DNAJC27: variants seen among roughly 807,000 people sequenced by gnomAD.
DNAJC27 encodes the protein DnaJ heat shock protein family (Hsp40) member C27.
In DNAJC27, 25 loss-of-function variants were observed where a neutral mutation model predicts 31.4. The ratio of observed to expected loss-of-function variants is 0.80; its 90% CI spans 0.58 to 1.11. DNAJC27 has a LOEUF of 1.11. DNAJC27 is among the 50% of genes most tolerant of loss of function. DNAJC27 has a pLI of 0.00. For synonymous variants in DNAJC27, 106 were observed against 112.7 expected (o/e 0.94, Z 0.37); for missense variants, 356 against 347.3 (o/e 1.02, Z -0.20).
rs758169335 is a variant in DNAJC27 at position 24,947,775 on chromosome 2, T to C, written c.690-27A>G. ...TGGGAAAAGAAGCCAAGATCTATGT[T>C]AGTAACAGAGTCAGCCCAACCCACT... On this transcript the variant is annotated intron_variant, in intron 6 of 6. Coordinates refer to ENST00000264711, the MANE Select transcript of DNAJC27 (RefSeq NM_016544.3). The C allele has an allele frequency of 7.5e-6, 12 of 1,602,682 alleles. No homozygotes were observed. In the Admixed American group the frequency reaches 1.3e-4, roughly 18 times the overall value.
Position 24,967,222 on chromosome 2 carries a change from A to C in DNAJC27, c.159T>G (p.Tyr53Ter). 1 of 1,613,092 alleles carries C rather than the reference A, an allele frequency of 6.2e-7. No homozygotes were observed. The highest frequency in any genetic ancestry group is 8.5e-7 in the Non-Finnish European group (1 of 1,179,074). ...SKYLATIGIDYGVTKVHVRDR... is the reference protein window; with the variant it reads ...SKYLATIGID Reference sequence around the variant, plus strand: ...AACAATATACTTACTTTGTGACTCCATAGTCAATTCCAATTGTTGCCAGGT... The same window carrying C: ...AACAATATACTTACTTTGTGACTCCCTAGTCAATTCCAATTGTTGCCAGGT... Residue 53 changes from tyrosine (Y) to a stop codon, truncating the protein, a stop_gained, in exon 2 of 7, where the codon TAT (tyrosine) becomes TAG (stop). Coordinates refer to ENST00000264711, the MANE Select transcript of DNAJC27 (RefSeq NM_016544.3). LOFTEE classifies it high-confidence loss of function.
chr2:24,947,837 C>T, intron 6 of DNAJC27, 89 bp from the exon 7 acceptor site: 1 of 1,415,804 alleles, frequency 7.1e-7, no homozygotes, highest in Non-Finnish European at 9.5e-7. Flanking sequence ...GTATCTCTTA[C>T]AGTGAACATA....
chr2:24,970,277 G>A (rs1332307056), intron 1 of DNAJC27, among the ~76,000 whole-genome samples: 2 of 151,870 alleles, frequency 1.3e-5, no homozygotes, highest in African/African-American at 2.4e-5. Context: ...TGGGTTTCCA[G>A]GTAAACAATC....
Position 24,957,992 on chromosome 2 carries a change from G to A in DNAJC27, c.241-18C>T. ...TTTCGAACCTTCAAATAAAAGGACA[G>A]ATACACAAAACGTAGTTTTTGTGAT... On this transcript the variant is annotated intron_variant, in intron 3 of 6. Transcript: ENST00000264711. 1 of 1,604,438 alleles carries A rather than the reference G, an allele frequency of 6.2e-7. No individual in the cohort carries two copies. Among genetic ancestry groups the A allele is most frequent in the South Asian group, 1.1e-5 (1 of 89,614 alleles).
chr2:24,951,730 A>G (rs2149121753), intron 5 of DNAJC27, among the ~76,000 whole-genome samples, 176 bp from the exon 6 acceptor site: 1 of 152,158 alleles, frequency 6.6e-6, no homozygotes, highest in Non-Finnish European at 1.5e-5. Context: ...ATATATATTC[A>G]TATATTTTAA....
At chr2:24,970,460 CTTTT>C (rs35742187) in intron 1 of DNAJC27, among the ~76,000 whole-genome samples, 3 of 120,122 alleles carry the variant, frequency 2.5e-5, no homozygotes, top group African/African-American at 3.2e-5. Context: ...AGTAAAATTA[CTTTT>C]TTTTTTTTTT....
At chr2:24,958,537 A>C (rs1359825645) in intron 3 of DNAJC27, 1 of 404,756 alleles carries the variant, frequency 2.5e-6, no homozygotes, top group Non-Finnish European at 5.2e-6. Context: ...CTGGGTTCAC[A>C]CTTACTTACT....
chr2:24,958,487 A>G, intron 3 of DNAJC27: 1 of 305,592 alleles, frequency 3.3e-6, no homozygotes. Flanking sequence ...CCTCAGTGTG[A>G]TACAATGGAA....
chr2:24,960,393 G>C (rs553541551), intron 3 of DNAJC27, among the ~76,000 whole-genome samples: 11 of 152,132 alleles, frequency 7.2e-5, no homozygotes, highest in Admixed American at 4.6e-4. Context: ...AAACAATATT[G>C]AAAGTAGGCC....
Position 24,946,485 on chromosome 2 carries a change from AG to A in DNAJC27, c.*1130del, listed in dbSNP as rs1195762414. On this transcript the variant is annotated 3_prime_UTR_variant, in exon 7 of 7. Coordinates refer to ENST00000264711, the MANE Select transcript of DNAJC27 (RefSeq NM_016544.3). The stretch of plus-strand genomic sequence containing the variant: ...AAAAAAGGAAGAAACAACACTGGTG[AG>A]GAAGTGTAGAAGAGGCCAACTTTGC... 6.6e-6 allele frequency: 1 copy of A among 152,326 alleles called. No homozygotes were observed. Among genetic ancestry groups the A allele is most frequent in the African/African-American group, 2.4e-5 (1 of 41,450 alleles). The allele number at this position is 152,326 out of a possible 1,614,324, so 9.4% of individuals were successfully genotyped here.
At chr2:24,971,579 TTA>T in intron 1 of DNAJC27, 1 of 419,368 alleles carries the variant, frequency 2.4e-6, no homozygotes, top group Non-Finnish European at 4.3e-6. Context: ...CATTCAAGGC[TTA>T]GAGGCCACCC....
chr2:24,945,138 A>C lies in DNAJC27; in HGVS notation c.*2478T>G, dbSNP rs1256441409. On this transcript the variant is annotated 3_prime_UTR_variant, in exon 7 of 7. Transcript: ENST00000264711. ...ATTCTGCATGAAGTTAGTGCCAAAA[A>C]AACCTTTCCATTGCAGATCATGCTT... 6.6e-6 allele frequency: 1 copy of C among 152,226 alleles called. No homozygotes were observed. Among genetic ancestry groups the C allele is most frequent in the Non-Finnish European group, 1.5e-5 (1 of 68,038 alleles). The allele number at this position is 152,226 out of a possible 1,614,324, so 9.4% of individuals were successfully genotyped here. A position where few individuals can be genotyped will look rare whatever the true frequency, so the allele number is the denominator to read the frequency against.
intron 1 of DNAJC27, among the ~76,000 whole-genome samples, chr2:24,970,316 CCTTCT>C (rs1200211746): frequency 6.6e-6 from 1 of 152,052 alleles, no homozygotes; most frequent in African/African-American, 2.4e-5. Context: ...GTTAATTTTA[CCTTCT>C]CTTTTCTAAT....
intron 3 of DNAJC27, among the ~76,000 whole-genome samples, chr2:24,960,206 C>T (rs4643490): frequency 0.9 from 137,494 of 152,220 alleles, 62,296 homozygotes; most frequent in African/African-American, 0.97. Flanking sequence ...ATGTCTGTTA[C>T]GATCATCTGT....
At position 24,963,430 on chromosome 2, in the gene DNAJC27, A is replaced by T. The variant is rs368306040; in HGVS notation, c.215T>A (p.Met72Lys). 9 of 1,613,806 alleles carry T rather than the reference A, an allele frequency of 5.6e-6. No homozygotes were observed. The highest frequency in any genetic ancestry group is 7.6e-6 in the Non-Finnish European group (9 of 1,179,860). ...DREIKVNIFD[M>K]AGHPFFYEVR... ...CTCATAGAAGAAGGGATGTCCAGCC[A>T]TATCAAAGATGTTAACTTTGATTTC... Residue 72 changes from methionine to lysine, a missense_variant, in exon 3 of 7, where the codon ATG becomes AAG. Met to Lys is a moderately conservative substitution (Grantham distance 95, BLOSUM62 -1). Transcript: ENST00000264711.
chr2:24,953,104 C>G (rs1558551468), intron 5 of DNAJC27, among the ~76,000 whole-genome samples: 1 of 152,022 alleles, frequency 6.6e-6, no homozygotes, highest in African/African-American at 2.4e-5. Flanking sequence ...GCTCATGTTT[C>G]ATGTTCTGTG....
At chr2:24,950,437 C>G (rs1048457302) in intron 6 of DNAJC27, among the ~76,000 whole-genome samples, 2 of 152,054 alleles carry the variant, frequency 1.3e-5, no homozygotes, top group African/African-American at 2.4e-5. Flanking sequence ...AGAATTAGAC[C>G]GTTGAAAGTT....
intron 6 of DNAJC27, among the ~76,000 whole-genome samples, chr2:24,950,859 T>TA (rs199540265): frequency 0.17 from 23,415 of 141,722 alleles, 2,387 homozygotes; most frequent in African/African-American, 0.3. Context: ...AAAATAAAAA[T>TA]AAAAAAAAAA....
Position 24,960,939 on chromosome 2 carries a change from G to C in DNAJC27, c.240+2466C>G, listed in dbSNP as rs796722864. 1.8e-4 allele frequency among the ~76,000 whole-genome samples: 27 copies of C among 152,388 alleles called. 1 individual carries two copies. Among genetic ancestry groups the C allele is most frequent in the African/African-American group, 6.3e-4 (26 of 41,600 alleles). On this transcript the variant is annotated intron_variant, in intron 3 of 6. Coordinates refer to ENST00000264711, the MANE Select transcript of DNAJC27 (RefSeq NM_016544.3). ...TATCTAGCTAAGATCATTGATGAAG[G>C]TGGCTAATCAAAGCAACAGATTTTC...
Sources: allele counts gnomAD v4.1 joint callset (sites outside exome capture counted in the v4.1 genomes callset), GRCh38; gene constraint gnomAD v4.1.1; transcripts MANE v1.5; gene names NCBI Gene and HGNC (gene_info 2026-07-23, HGNC 2026-07-21).